Variants in F11 observed in about 807,000 individuals in gnomAD.
The protein encoded by F11 is coagualtion factor XI.
A neutral mutation model predicts 76.5 loss-of-function variants in F11; 78 were observed. That is an observed-to-expected ratio of 1.02 (90% CI 0.85 to 1.23). F11 has a LOEUF of 1.23. F11 is among the 50% of genes most tolerant of loss of function. The probability of loss-of-function intolerance (pLI) is 0.00; values close to 1 mark genes in which losing one functional copy is unlikely to be tolerated. For synonymous variants in F11, 278 were observed against 276.3 expected (o/e 1.01, Z -0.06); for missense variants, 742 against 771.4 (o/e 0.96, Z 0.45).
chr4:186,288,706 A>G lies in F11; in HGVS notation c.*92A>G. On this transcript the variant is annotated 3_prime_UTR_variant, in exon 15 of 15. Coordinates refer to ENST00000403665, the MANE Select transcript of F11 (RefSeq NM_000128.4). The stretch of plus-strand genomic sequence containing the variant: ...CACTGTGCCAGCATGCTTCCTCCAC[A>G]GTAACACGCTGAAGGGGCTTGGTGT... The G allele has an allele frequency of 7.3e-7, 1 of 1,372,636 alleles. No homozygotes were observed. Among genetic ancestry groups the G allele is most frequent in the Admixed American group, 2.0e-5 (1 of 51,044 alleles). The allele number at this position is 1,372,636 out of a possible 1,614,324, so 85.0% of individuals were successfully genotyped here. A position where few individuals can be genotyped will look rare whatever the true frequency, so the allele number is the denominator to read the frequency against.
intron 3 of F11, 23 bp downstream of exon 3, chr4:186,271,794 C>T (rs755319181): frequency 2.2e-5 from 36 of 1,613,426 alleles, no homozygotes; most frequent in Non-Finnish European, 2.6e-5. Context: ...GTTTCTACAT[C>T]GAGGAGACAG....
At position 186,274,259 on chromosome 4, in the gene F11, C is replaced by G; in HGVS notation, c.469C>G (p.Pro157Ala). 6.2e-7 allele frequency: 1 copy of G among 1,614,184 alleles called. No homozygotes were observed. Among genetic ancestry groups the G allele is most frequent in the Non-Finnish European group, 8.5e-7 (1 of 1,180,036 alleles). ...HFFTYATRQF[P>A]SLEHRNICLL... ...TTTCACGTACGCCACAAGGCAGTTT[C>G]CCAGCCTGGAGCATCGGTGAGTGAG... Residue 157 changes from proline (P) to alanine (A), a missense_variant, in exon 5 of 15, where the codon CCC (proline) becomes GCC (alanine). Physicochemically the swap from Pro to Ala is conservative, Grantham distance 27 (BLOSUM62 -1). Coordinates refer to ENST00000403665, the MANE Select transcript of F11 (RefSeq NM_000128.4).
chr4:186,272,609 T>C (rs1033746254), intron 3 of F11, among the ~76,000 whole-genome samples: 24 of 152,252 alleles, frequency 1.6e-4, no homozygotes, highest in African/African-American at 5.5e-4. Flanking sequence ...ACTTATAAAA[T>C]TTACTATTCC....
rs1235309096 is a variant in F11, at chr4:186,289,241, C to T, written c.*627C>T. Among the ~76,000 whole-genome samples the T allele has an allele frequency of 6.6e-6, 1 of 152,150 alleles. No individual in the cohort carries two copies. The highest frequency in any genetic ancestry group is 6.5e-5 in the Admixed American group (1 of 15,276). On this transcript the variant is annotated 3_prime_UTR_variant, in exon 15 of 15. Coordinates refer to ENST00000403665, the MANE Select transcript of F11 (RefSeq NM_000128.4). ...AGAATTTCTGTGTGGAAGAGGATTA[C>T]AAGCAGCAATTTACCTGGAAGTGAT... is the stretch of plus-strand genomic sequence containing the variant.
rs559466320 is a variant in F11, at chr4:186,280,098, A to C, written c.842A>C (p.Gln281Pro). 1 of 1,614,222 alleles carries C rather than the reference A, an allele frequency of 6.2e-7. No individual in the cohort carries two copies. Among genetic ancestry groups the C allele is most frequent in the Admixed American group, 1.7e-5 (1 of 60,030 alleles). ...KSKALSGFSLQSCRHSIPVFC... is the reference protein window; with the variant it reads ...KSKALSGFSLPSCRHSIPVFC... ...AAAGCTCTTTCTGGTTTCAGTCTAC[A>C]AAGCTGCAGGCACAGCATCCCAGGT... Residue 281 changes from glutamine (Q) to proline (P), a missense_variant, in exon 8 of 15, where the codon CAA becomes CCA. Transcript: ENST00000403665.
intron 7 of F11, among the ~76,000 whole-genome samples, chr4:186,278,146 C>T (rs974751277): frequency 1.3e-5 from 2 of 152,152 alleles, no homozygotes; most frequent in Admixed American, 6.5e-5. Context: ...AACAAATATC[C>T]GTAAAATTAA....
chr4:186,270,182 ATGAG>A (rs1199085801), intron 2 of F11, among the ~76,000 whole-genome samples: 4 of 152,226 alleles, frequency 2.6e-5, no homozygotes, highest in African/African-American at 4.8e-5. Context: ...AATTAATTAA[ATGAG>A]TAAGAAGTCT....
In F11 at chr4:186,273,130, C is replaced by T. The variant is rs1177407609; in HGVS notation, c.278C>T (p.Ala93Val). The T allele has an allele frequency of 6.2e-7, 1 of 1,613,910 alleles. No homozygotes were observed. Among genetic ancestry groups the T allele is most frequent in the African/African-American group, 1.3e-5 (1 of 74,916 alleles). The change falls in exon 4 of 15, where the codon GCA becomes GTA. Residue 93 changes from alanine to valine, a missense_variant. Transcript: ENST00000403665. ...TETLPRVNRT[A>V]AISGYSFKQC... The stretch of plus-strand genomic sequence containing the variant: ...ACACTGCCAAGAGTGAATAGGACAG[C>T]AGCGATTTCTGGGTATTCTTTCAAG...
chr4:186,287,744 A>G lies in F11; in HGVS notation c.1637A>G (p.Gln546Arg), dbSNP rs2126787906. ...KIPLVTNEEC[Q>R]KRYRGHKITH... Reference sequence around the variant, plus strand: ...CCCTTAGTGACCAACGAAGAGTGCCAGAAGAGATACAGAGGACATAAAATA... The same window carrying G: ...CCCTTAGTGACCAACGAAGAGTGCCGGAAGAGATACAGAGGACATAAAATA... Residue 546 changes from glutamine to arginine, a missense_variant, in exon 14 of 15, where the codon CAG becomes CGG. Coordinates refer to ENST00000403665, the MANE Select transcript of F11 (RefSeq NM_000128.4). The G allele has an allele frequency of 6.2e-7, 1 of 1,613,798 alleles. No homozygotes were observed. Among genetic ancestry groups the G allele is most frequent in the South Asian group, 1.1e-5 (1 of 91,068 alleles).
chr4:186,277,911 C>T lies in F11; in HGVS notation c.755+1521C>T, dbSNP rs548269839. ...ACTTCCTAGGCTCAAGCAATCCACC[C>T]GTCTCATCCTCCCAAGTTGCTGGGA... On this transcript the variant is annotated intron_variant, in intron 7 of 14. Transcript: ENST00000403665. 7.2e-5 allele frequency among the ~76,000 whole-genome samples: 11 copies of T among 152,196 alleles called. No individual in the cohort carries two copies. The South Asian group carries it at 1.2e-3, about 17-fold the overall frequency.
chr4:186,282,102 G>A, intron 10 of F11: 4 of 1,174,524 alleles, frequency 3.4e-6, no homozygotes, highest in Non-Finnish European at 4.4e-6. Flanking sequence ...CTAAGCGTTA[G>A]AAGGGACACT....
chr4:186,281,961 T>C, intron 10 of F11: 2 of 1,278,134 alleles, frequency 1.6e-6, no homozygotes, highest in African/African-American at 1.5e-5. Context: ...GATGAAAATC[T>C]CTGGATGGCT....
At chr4:186,290,694 TCTC>T (rs747522563), downstream of F11, 12 of 152,260 alleles carry the variant, frequency 7.9e-5, no homozygotes, top group Non-Finnish European at 1.6e-4. Flanking sequence ...AATGAGGAGA[TCTC>T]CTCTTCTGTA....
intron 4 of F11, 114 bp from the exon 5 acceptor site, chr4:186,274,002 A>C (rs1209762028): frequency 6.9e-6 from 8 of 1,153,488 alleles, no homozygotes; most frequent in Non-Finnish European, 1.0e-5. Flanking sequence ...ATAACGAAAG[A>C]CCTCTGAGGA....
intron 10 of F11, chr4:186,282,342 T>C (rs1740868289): frequency 1.0e-6 from 1 of 985,282 alleles, no homozygotes; most frequent in East Asian, 1.1e-4. Context: ...GTCTTTTCAG[T>C]GCAACTTTGG....
At chr4:186,278,988 T>C (rs1295814041) in intron 7 of F11, among the ~76,000 whole-genome samples, 2 of 152,234 alleles carry the variant, frequency 1.3e-5, no homozygotes. Context: ...TACTGACCAA[T>C]TCCTAGAATA....
rs756016492 is a variant in F11, at chr4:186,288,850, A to G, written c.*236A>G. On this transcript the variant is annotated 3_prime_UTR_variant, in exon 15 of 15. Transcript: ENST00000403665. ...TCTCTTTGTTTTTGATCACGCTTCT[A>G]TGGAGTCCAAGAATTACCATAAGGC... 24 of 511,660 alleles carry G rather than the reference A, an allele frequency of 4.7e-5. No homozygotes were observed. Among genetic ancestry groups the G allele is most frequent in the Admixed American group, 9.4e-5 (3 of 31,882 alleles). The allele number at this position is 511,660 out of a possible 1,614,324, so 31.7% of individuals were successfully genotyped here.
chr4:186,280,189 A>T, intron 8 of F11, 34 bp from the exon 9 acceptor site: 1 of 1,614,034 alleles, frequency 6.2e-7, no homozygotes, highest in South Asian at 1.1e-5. Context: ...ATGCTGAGGG[A>T]GGGTCTCACT....
At chr4:186,276,133 C>T in intron 6 of F11, 98 bp from the exon 7 acceptor site, 1 of 1,387,626 alleles carries the variant, frequency 7.2e-7, no homozygotes, top group Non-Finnish European at 1.0e-6. Context: ...TCTTGGGATA[C>T]ACTTAAATTT....
Sources: gnomAD v4.1 joint callset for allele counts (sites outside exome capture counted in the v4.1 genomes callset) on GRCh38, gnomAD v4.1.1 for gene constraint, MANE v1.5 for transcripts, NCBI Gene and HGNC (gene_info 2026-07-23, HGNC 2026-07-21) for gene names.